ATOSA: variants seen among roughly 807,000 people sequenced by gnomAD.
ATOSA encodes the protein atos homolog protein A.
chr15:52,643,356 A>G, the ATOSA span, among the ~76,000 whole-genome samples: 1 of 152,088 alleles, frequency 6.6e-6, no homozygotes, highest in African/African-American at 2.4e-5. Flanking sequence ...CAGTGGCACA[A>G]TCATACCTCA....
the ATOSA span, among the ~76,000 whole-genome samples, chr15:52,695,231 A>T: frequency 6.6e-6 from 1 of 152,118 alleles, no homozygotes; most frequent in African/African-American, 2.4e-5. Flanking sequence ...GGCCCTGACT[A>T]CTTTTTAAAC....
At chr15:52,585,004 A>G in the ATOSA span, 1 of 1,391,052 alleles carries the variant, frequency 7.2e-7, no homozygotes. Context: ...GTGATTCAGA[A>G]TGATTGTGCC....
the ATOSA span, among the ~76,000 whole-genome samples, chr15:52,629,506 T>TAA: frequency 0.01 from 1,404 of 139,144 alleles, 24 homozygotes; most frequent in African/African-American, 0.036. Context: ...TAAGGGTAGT[T>TAA]AAAAAAAAAA....
At chr15:52,655,692 T>C in the ATOSA span, among the ~76,000 whole-genome samples, 2 of 152,164 alleles carry the variant, frequency 1.3e-5, no homozygotes, top group African/African-American at 2.4e-5. Flanking sequence ...CTATTCCTAA[T>C]AGTCTTTGAG....
chr15:52,589,700 T>C, the ATOSA span, among the ~76,000 whole-genome samples: 1 of 152,230 alleles, frequency 6.6e-6, no homozygotes, highest in Non-Finnish European at 1.5e-5. Context: ...ATTGTAATAA[T>C]TTCATCATTT....
At chr15:52,640,151 CTG>C in the ATOSA span, among the ~76,000 whole-genome samples, 2 of 152,140 alleles carry the variant, frequency 1.3e-5, no homozygotes, top group Non-Finnish European at 2.9e-5. Context: ...AACCATCACA[CTG>C]TACTTCCAAG....
the ATOSA span, among the ~76,000 whole-genome samples, chr15:52,682,667 C>G: frequency 6.6e-6 from 1 of 152,178 alleles, no homozygotes; most frequent in South Asian, 2.1e-4. Context: ...AGATGGTAAT[C>G]AGTACATCTT....
the ATOSA span, among the ~76,000 whole-genome samples, chr15:52,603,476 G>T: frequency 2.6e-5 from 4 of 152,098 alleles, no homozygotes; most frequent in South Asian, 8.3e-4. Flanking sequence ...CCCACTGCTG[G>T]GCATATATCT....
chr15:52,615,919 T>G, the ATOSA span, among the ~76,000 whole-genome samples: 1 of 152,200 alleles, frequency 6.6e-6, no homozygotes, highest in Admixed American at 6.5e-5. Flanking sequence ...ATGGAGAGGT[T>G]AAGTAATTTG....
the ATOSA span, chr15:52,611,816 C>T: frequency 1.1e-5 from 17 of 1,584,582 alleles, no homozygotes; most frequent in Non-Finnish European, 1.4e-5. Context: ...TCTCAAAAAC[C>T]CACCTAATTT....
the ATOSA span, among the ~76,000 whole-genome samples, chr15:52,664,841 G>A: frequency 6.6e-6 from 1 of 152,118 alleles, no homozygotes; most frequent in East Asian, 1.9e-4. Flanking sequence ...GGGAGGCTGA[G>A]GTGGAGGGAT....
the ATOSA span, chr15:52,586,271 C>T: frequency 6.6e-6 from 1 of 152,086 alleles, no homozygotes; most frequent in Non-Finnish European, 1.5e-5. Context: ...TATATACACA[C>T]ACGTACACAT....
the ATOSA span, among the ~76,000 whole-genome samples, chr15:52,652,496 C>T: frequency 6.6e-6 from 1 of 152,048 alleles, no homozygotes; most frequent in South Asian, 2.1e-4. Context: ...CTTCATATAC[C>T]TGGAACTTTA....
At chr15:52,663,334 T>G in the ATOSA span, among the ~76,000 whole-genome samples, 1 of 152,220 alleles carries the variant, frequency 6.6e-6, no homozygotes, top group African/African-American at 2.4e-5. Context: ...TGACCTTTGA[T>G]AGTAAACATT....
the ATOSA span, among the ~76,000 whole-genome samples, chr15:52,619,745 C>T: frequency 6.6e-6 from 1 of 151,656 alleles, no homozygotes; most frequent in South Asian, 2.1e-4. Flanking sequence ...GATGGGAGAT[C>T]ACTTGAACCC....
chr15:52,705,854 T>C, the ATOSA span, among the ~76,000 whole-genome samples: 1 of 152,190 alleles, frequency 6.6e-6, no homozygotes. Context: ...TAAAATATAA[T>C]TGTTATATGA....
the ATOSA span, chr15:52,611,425 A>G: frequency 8.8e-7 from 1 of 1,140,012 alleles, no homozygotes; most frequent in Admixed American, 2.7e-5. Context: ...TGCAAGTACT[A>G]TATTTACTCA....
chr15:52,608,698 G>A, the ATOSA span: 3 of 1,612,388 alleles, frequency 1.9e-6, no homozygotes, highest in Non-Finnish European at 2.5e-6. Flanking sequence ...TAATTGGTCT[G>A]ACTTTTTACA....
chr15:52,628,378 G>A, the ATOSA span, among the ~76,000 whole-genome samples: 33 of 152,188 alleles, frequency 2.2e-4, no homozygotes, highest in Non-Finnish European at 4.1e-4. Context: ...AAACACAGAA[G>A]ATGCTCCTCT....
Sources: gnomAD v4.1 joint callset for allele counts (sites outside exome capture counted in the v4.1 genomes callset) on GRCh38, gnomAD v4.1.1 for gene constraint, MANE v1.5 for transcripts, NCBI Gene and HGNC (gene_info 2026-07-23, HGNC 2026-07-21) for gene names.